The following NRP1 variants were observed in gnomAD, a reference collection of about 807,000 sequenced individuals.
NRP1 encodes neuropilin 1.
Under a neutral mutation model 106.7 loss-of-function variants are expected in NRP1, and 35 were observed. The ratio of observed to expected loss-of-function variants is 0.33; its 90% CI spans 0.25 to 0.43. NRP1 has a LOEUF of 0.43. NRP1 is among the 20% of genes least tolerant of loss of function. NRP1 has a pLI of 1.00. For missense variants in NRP1, 1,024 were observed against 1,170.4 expected (o/e 0.87, Z 1.83); for synonymous variants, 437 against 417.9 (o/e 1.05, Z -0.56).
intron 2 of NRP1, among the ~76,000 whole-genome samples, chr10:33,313,716 G>A (rs906780493): frequency 2.6e-5 from 4 of 152,198 alleles, no homozygotes; most frequent in Non-Finnish European, 1.5e-5. Flanking sequence ...TAGAACTCAG[G>A]ATCACAATGA....
In NRP1 at chr10:33,293,007, A is replaced by G. The variant is rs1845114195; in HGVS notation, c.249-22151T>C. 2.6e-5 allele frequency among the ~76,000 whole-genome samples: 4 copies of G among 151,908 alleles called. No homozygotes were observed. In the South Asian group the frequency reaches 8.3e-4, roughly 32 times the overall value. On this transcript the variant is annotated intron_variant, in intron 2 of 16. Transcript: ENST00000374867. Reference sequence around the variant, plus strand: ...TCTCAAAAAAAAAAAAAGCCCGCCAATGAAAGTAATTCCACAGCTTCCCTA... The same window carrying G: ...TCTCAAAAAAAAAAAAAGCCCGCCAGTGAAAGTAATTCCACAGCTTCCCTA...
In NRP1 at chr10:33,179,955, A is replaced by C; in HGVS notation, c.*121T>G. 1 of 985,266 alleles carries C rather than the reference A, an allele frequency of 1.0e-6. No individual in the cohort carries two copies. The highest frequency in any genetic ancestry group is 1.5e-6 in the Non-Finnish European group (1 of 651,846). 61.0% of individuals were successfully genotyped at this position (985,266 alleles called of 1,614,324 possible). A position where few individuals can be genotyped will look rare whatever the true frequency, so the allele number is the denominator to read the frequency against. On this transcript the variant is annotated 3_prime_UTR_variant, in exon 17 of 17. Transcript: ENST00000374867. ...CATACTCATTGAAGCTCCTGAGAAA[A>C]GCCTGGCTCAGTGGTCATCAACACA...
At chr10:33,186,603 A>C in intron 13 of NRP1, 115 bp from the exon 14 acceptor site, 3 of 1,220,796 alleles carry the variant, frequency 2.5e-6, no homozygotes, top group Non-Finnish European at 3.4e-6. Context: ...AAGAACCCAA[A>C]TACGTAGTGG....
chr10:33,202,702 C>A (rs555129478), intron 11 of NRP1, 189 bp downstream of exon 11: 2 of 1,551,126 alleles, frequency 1.3e-6, no homozygotes, highest in Non-Finnish European at 1.7e-6. Flanking sequence ...ATGGTTGTGG[C>A]TATTAAGAAC....
chr10:33,236,978 T>C (rs1840607281), intron 6 of NRP1, among the ~76,000 whole-genome samples: 1 of 152,032 alleles, frequency 6.6e-6, no homozygotes, highest in African/African-American at 2.4e-5. Context: ...TTTTTTTTCT[T>C]CTTTTTTTTT....
chr10:33,188,450 A>G (rs891523473), intron 13 of NRP1, among the ~76,000 whole-genome samples: 12 of 152,056 alleles, frequency 7.9e-5, no homozygotes, highest in African/African-American at 2.9e-4. Flanking sequence ...CCAGTGCCCA[A>G]CACAGCACCT....
intron 10 of NRP1, among the ~76,000 whole-genome samples, chr10:33,207,088 C>T (rs1161341595): frequency 6.6e-6 from 1 of 152,136 alleles, no homozygotes; most frequent in Non-Finnish European, 1.5e-5. Flanking sequence ...CTGGATCAGA[C>T]ACAGACCTCT....
intron 7 of NRP1, 35 bp from the exon 8 acceptor site, chr10:33,221,898 A>G: frequency 6.3e-7 from 1 of 1,581,120 alleles, no homozygotes; most frequent in Non-Finnish European, 8.7e-7. Context: ...TCTTTAGCAG[A>G]GGTTTTGGAT....
At chr10:33,269,743 A>G (rs960260620) in intron 3 of NRP1, among the ~76,000 whole-genome samples, 2 of 152,134 alleles carry the variant, frequency 1.3e-5, no homozygotes, top group African/African-American at 2.4e-5. Context: ...TCAGATCAGC[A>G]GCAGCACTAG....
chr10:33,322,475 C>T (rs2132894032), intron 2 of NRP1, among the ~76,000 whole-genome samples: 1 of 152,258 alleles, frequency 6.6e-6, no homozygotes, highest in Middle Eastern at 3.4e-3. Context: ...ACTCCAAACT[C>T]CTGGCCTAAG....
At chr10:33,332,593 G>A (rs1848361841) in intron 1 of NRP1, among the ~76,000 whole-genome samples, 1 of 152,128 alleles carries the variant, frequency 6.6e-6, no homozygotes, top group African/African-American at 2.4e-5. Flanking sequence ...AAGATAATGT[G>A]GACTGCTAGA....
chr10:33,249,868 G>A (rs1361144225), intron 6 of NRP1, among the ~76,000 whole-genome samples: 1 of 151,796 alleles, frequency 6.6e-6, no homozygotes, highest in Non-Finnish European at 1.5e-5. Flanking sequence ...CTCCAATGTG[G>A]ACGTTCATAT....
intron 2 of NRP1, among the ~76,000 whole-genome samples, chr10:33,279,246 C>G (rs1843933164): frequency 6.6e-6 from 1 of 152,216 alleles, no homozygotes; most frequent in African/African-American, 2.4e-5. Flanking sequence ...GGTCAGAAGT[C>G]TGGGATGACC....
chr10:33,298,328 C>A (rs567317024), intron 2 of NRP1, among the ~76,000 whole-genome samples: 10 of 152,232 alleles, frequency 6.6e-5, no homozygotes, highest in African/African-American at 2.4e-4. Context: ...GAAGAATGGG[C>A]TGTACACACA....
At chr10:33,251,255 GC>G (rs1175703854) in intron 6 of NRP1, among the ~76,000 whole-genome samples, 2 of 151,998 alleles carry the variant, frequency 1.3e-5, no homozygotes, top group Admixed American at 6.6e-5. Context: ...TTCCCCTTCT[GC>G]CATGATCTTA....
intron 2 of NRP1, among the ~76,000 whole-genome samples, chr10:33,302,676 T>C (rs1169399957): frequency 6.6e-6 from 1 of 152,126 alleles, no homozygotes; most frequent in African/African-American, 2.4e-5. Context: ...CTCTGAGCAA[T>C]GGCCCTGGCA....
At chr10:33,306,271 G>T (rs761892848) in intron 2 of NRP1, among the ~76,000 whole-genome samples, 2 of 152,056 alleles carry the variant, frequency 1.3e-5, no homozygotes, top group Non-Finnish European at 2.9e-5. Flanking sequence ...AATAAAAGAG[G>T]CAGGACAATG....
At chr10:33,251,953 C>G (rs556805832) in intron 6 of NRP1, among the ~76,000 whole-genome samples, 2 of 152,242 alleles carry the variant, frequency 1.3e-5, no homozygotes, top group East Asian at 3.9e-4. Flanking sequence ...TCCACCCCCA[C>G]GGACCAAAGT....
At chr10:33,303,937 A>G (rs1370543934) in intron 2 of NRP1, among the ~76,000 whole-genome samples, 1 of 152,230 alleles carries the variant, frequency 6.6e-6, no homozygotes, top group Non-Finnish European at 1.5e-5. Flanking sequence ...TCTCTGATTA[A>G]CATCAAATAA....
Sources: allele counts gnomAD v4.1 joint callset (sites outside exome capture counted in the v4.1 genomes callset), GRCh38; gene constraint gnomAD v4.1.1; transcripts MANE v1.5; gene names NCBI Gene and HGNC (gene_info 2026-07-23, HGNC 2026-07-21).